CCSER1: variants seen among roughly 807,000 people sequenced by gnomAD.
The protein encoded by CCSER1 is coiled-coil serine rich protein 1.
CCSER1 carries 41 observed loss-of-function variants against 82.0 expected under a neutral mutation model. The observed-to-expected ratio is 0.50, with a 90% confidence interval of 0.39 to 0.65. The LOEUF (loss-of-function observed/expected upper bound fraction) is 0.65. Ranked by LOEUF, CCSER1 falls within the 30% of genes least tolerant of loss-of-function variation. The pLI is 0.00. For missense variants in CCSER1, 1,119 were observed against 1,064.2 expected, an observed-to-expected ratio of 1.05 and a Z score of -0.72; for synonymous variants, 414 against 383.9, an observed-to-expected ratio of 1.08 and a Z score of -0.92.
At chr4:90,974,851 C>G (rs1169487782) in intron 9 of CCSER1, among the ~76,000 whole-genome samples, 1 of 151,328 alleles carries the variant, frequency 6.6e-6, no homozygotes, top group African/African-American at 2.4e-5. Flanking sequence ...AATGACCTAC[C>G]AGTTCCACAC....
intron 7 of CCSER1, among the ~76,000 whole-genome samples, chr4:90,769,938 T>C (rs1751822477): frequency 6.6e-6 from 1 of 152,180 alleles, no homozygotes; most frequent in Non-Finnish European, 1.5e-5. Flanking sequence ...ATCCCCATTT[T>C]TTGAGTGAAG....
intron 1 of CCSER1, among the ~76,000 whole-genome samples, chr4:90,306,427 CAT>C (rs1734284483): frequency 6.6e-6 from 1 of 152,054 alleles, no homozygotes; most frequent in African/African-American, 2.4e-5. Context: ...AATATCAAAA[CAT>C]CACGTTATAC....
At chr4:91,082,532 A>G (rs1722886360) in intron 9 of CCSER1, among the ~76,000 whole-genome samples, 1 of 152,228 alleles carries the variant, frequency 6.6e-6, no homozygotes. Context: ...ACCAAAAGCA[A>G]TGGCAACAGA....
At chr4:90,353,642 T>C (rs1233805027) in intron 3 of CCSER1, among the ~76,000 whole-genome samples, 3 of 152,222 alleles carry the variant, frequency 2.0e-5, no homozygotes, top group Admixed American at 1.3e-4. Context: ...TTAATTTTCC[T>C]GACTCCAAGC....
At chr4:91,106,254 T>G (rs1341178717) in intron 10 of CCSER1, among the ~76,000 whole-genome samples, 1 of 152,240 alleles carries the variant, frequency 6.6e-6, no homozygotes, top group African/African-American at 2.4e-5. Flanking sequence ...TAGTCACGAT[T>G]ATTCTCATTT....
chr4:91,483,243 C>G (rs1758043705), intron 10 of CCSER1, among the ~76,000 whole-genome samples: 1 of 151,874 alleles, frequency 6.6e-6, no homozygotes, highest in South Asian at 2.1e-4. Flanking sequence ...ATGGTACATA[C>G]AGAAGCTAGA....
intron 10 of CCSER1, among the ~76,000 whole-genome samples, chr4:91,578,631 A>G (rs558791638): frequency 3.8e-4 from 58 of 152,004 alleles, no homozygotes; most frequent in Non-Finnish European, 1.3e-4. Flanking sequence ...CAAGTGAATG[A>G]TAGAATAGCT....
chr4:91,442,809 A>G (rs1288795012), intron 10 of CCSER1, among the ~76,000 whole-genome samples: 2 of 151,268 alleles, frequency 1.3e-5, no homozygotes, highest in Admixed American at 6.6e-5. Context: ...AAAAGTGGGC[A>G]AAGGACATGA....
intron 9 of CCSER1, among the ~76,000 whole-genome samples, chr4:91,078,112 G>A (rs1193496169): frequency 6.6e-6 from 1 of 152,214 alleles, no homozygotes; most frequent in African/African-American, 2.4e-5. Flanking sequence ...CCAGCACAGA[G>A]TTTGGGATCT....
chr4:90,236,859 A>G (rs1395970052), intron 1 of CCSER1, among the ~76,000 whole-genome samples: 2 of 152,058 alleles, frequency 1.3e-5, no homozygotes, highest in Admixed American at 1.3e-4. Flanking sequence ...GTATATGTGT[A>G]TCCTATATGT....
chr4:91,159,850 C>T (rs967740561), intron 10 of CCSER1, among the ~76,000 whole-genome samples: 2 of 151,644 alleles, frequency 1.3e-5, no homozygotes, highest in African/African-American at 4.8e-5. Flanking sequence ...TTTTTAATAC[C>T]ATGAATAAAT....
intron 8 of CCSER1, among the ~76,000 whole-genome samples, chr4:90,896,133 A>C (rs1723673559): frequency 6.6e-6 from 1 of 151,956 alleles, no homozygotes; most frequent in African/African-American, 2.4e-5. Context: ...GTGAGAAGCT[A>C]AGTATCCAGG....
At chr4:90,855,006 A>G (rs934186532) in intron 8 of CCSER1, among the ~76,000 whole-genome samples, 2 of 145,886 alleles carry the variant, frequency 1.4e-5, no homozygotes, top group Non-Finnish European at 3.0e-5. Flanking sequence ...TGTGTGTGCG[A>G]GAGAGCAAAG....
chr4:90,930,910 T>TTATATATATA (rs70963098), intron 9 of CCSER1, among the ~76,000 whole-genome samples: 357 of 109,590 alleles, frequency 3.3e-3, no homozygotes, highest in South Asian at 8.0e-3. Flanking sequence ...TATCCTTATT[T>TTATATATATA]TATATATATA....
chr4:90,858,314 T>C (rs976327972), intron 8 of CCSER1, among the ~76,000 whole-genome samples: 3 of 152,048 alleles, frequency 2.0e-5, no homozygotes, highest in Non-Finnish European at 4.4e-5. Context: ...TAAAATTTCA[T>C]CACAAATCGC....
intron 1 of CCSER1, among the ~76,000 whole-genome samples, chr4:90,166,481 C>T (rs959782682): frequency 6.6e-6 from 1 of 151,774 alleles, no homozygotes; most frequent in African/African-American, 2.4e-5. Context: ...ATAGCACCCT[C>T]AAGGAGGTAT....
At chr4:90,968,971 A>T (rs1423302493) in intron 9 of CCSER1, among the ~76,000 whole-genome samples, 1 of 151,930 alleles carries the variant, frequency 6.6e-6, no homozygotes, top group African/African-American at 2.4e-5. Context: ...CAACAAAGAG[A>T]CAGAAATTAT....
At chr4:90,737,485 A>G (rs1308646282) in intron 7 of CCSER1, among the ~76,000 whole-genome samples, 1 of 152,200 alleles carries the variant, frequency 6.6e-6, no homozygotes, top group Non-Finnish European at 1.5e-5. Context: ...CTGCTGCCAT[A>G]TGAATAGGAG....
rs558904109 is a variant in CCSER1 at position 90,367,041 on chromosome 4, C to T, written c.1510-32995C>T. Among the ~76,000 whole-genome samples the T allele has an allele frequency of 2.8e-4, 43 of 151,806 alleles. No individual in the cohort carries two copies. The South Asian group carries it at 5.2e-3, about 18-fold the overall frequency. ...TGGAAAGCCAATGAAAATTTACATG[C>T]GCTCATTGGAATGATTACATGGTAT... On this transcript the variant is annotated intron_variant, in intron 3 of 10. Coordinates refer to ENST00000509176, the MANE Select transcript of CCSER1 (RefSeq NM_001145065.2).
Sources: gnomAD v4.1 joint callset for allele counts (sites outside exome capture counted in the v4.1 genomes callset) on GRCh38, gnomAD v4.1.1 for gene constraint, MANE v1.5 for transcripts, NCBI Gene and HGNC (gene_info 2026-07-23, HGNC 2026-07-21) for gene names.